Variants in AP4E1 observed in about 807,000 individuals in gnomAD.
The protein encoded by AP4E1 is adaptor related protein complex 4 subunit epsilon 1, also known as AP-4 complex subunit epsilon-1.
AP4E1 carries 56 observed loss-of-function variants against 128.2 expected under a neutral mutation model. The observed-to-expected ratio is 0.44, with a 90% CI of 0.35 to 0.55. The LOEUF (loss-of-function observed/expected upper bound fraction) is 0.55. Ranked by LOEUF, AP4E1 falls within the 20% of genes least tolerant of loss-of-function variation. The probability of loss-of-function intolerance (pLI) is 0.00; values close to 1 mark genes in which losing one functional copy is unlikely to be tolerated. For synonymous variants in AP4E1, 484 were observed against 473.1 expected, an observed-to-expected ratio of 1.02 and a Z score of -0.30; for missense variants, 1,324 against 1,307.7, an observed-to-expected ratio of 1.01 and a Z score of -0.19.
intron 17 of AP4E1, among the ~76,000 whole-genome samples, chr15:50,995,399 CT>C (rs34400855): frequency 0.012 from 1,656 of 136,668 alleles, 18 homozygotes; most frequent in African/African-American, 0.034. Context: ...ATTTCACCTT[CT>C]TTTTTTTTTT....
chr15:50,944,397 G>A (rs2064029563), intron 10 of AP4E1, among the ~76,000 whole-genome samples: 1 of 152,090 alleles, frequency 6.6e-6, no homozygotes, highest in Admixed American at 6.6e-5. Flanking sequence ...ACCCCATTCA[G>A]TTCTGGAAAT....
At position 50,930,942 on chromosome 15, in the gene AP4E1, A is replaced by G; in HGVS notation, c.840A>G (p.Ile280Met). ...GGTTACAAATTCAGCTCTTGAGAATACTGGGACTTCTAGGAAAAGATGATC... is the reference window on the plus strand; with the variant it reads ...GGTTACAAATTCAGCTCTTGAGAATGCTGGGACTTCTAGGAAAAGATGATC... ...APWLQIQLLR[I>M]LGLLGKDDQR... Residue 280 changes from isoleucine to methionine, a missense_variant, in exon 7 of 21, where the codon ATA becomes ATG. Physicochemically the swap from Ile to Met is conservative, Grantham distance 10 (BLOSUM62 1). Transcript: ENST00000261842. The G allele has an allele frequency of 6.2e-7, 1 of 1,614,154 alleles. No homozygotes were observed.
upstream of AP4E1, chr15:50,908,527 G>A (rs2063522657): frequency 2.4e-6 from 1 of 420,468 alleles, no homozygotes; most frequent in Admixed American, 4.7e-5. Context: ...CCGCTACCCC[G>A]TCGCGAGAAA....
At chr15:50,968,952 G>C (rs1053653646) in intron 15 of AP4E1, among the ~76,000 whole-genome samples, 2 of 150,490 alleles carry the variant, frequency 1.3e-5, no homozygotes, top group Non-Finnish European at 3.0e-5. Flanking sequence ...TTTTTTTTTT[G>C]ATAATATATT....
chr15:50,969,352 C>G (rs1190151760), intron 15 of AP4E1, among the ~76,000 whole-genome samples: 1 of 152,148 alleles, frequency 6.6e-6, no homozygotes, highest in Admixed American at 6.5e-5. Flanking sequence ...TTTTTTATGG[C>G]TACATGAAAG....
chr15:50,919,952 C>T (rs1436302394), intron 3 of AP4E1, among the ~76,000 whole-genome samples: 1 of 151,532 alleles, frequency 6.6e-6, no homozygotes, highest in Non-Finnish European at 1.5e-5. Flanking sequence ...TGGTACATGC[C>T]TGTATTCCCA....
At position 50,941,572 on chromosome 15, in the gene AP4E1, G is replaced by T; in HGVS notation, c.1066+8G>T. ...TAAATCTAAAATATTTAGGTAAGAT[G>T]ATTGGTTCTTTTGACAGAAATTACA... On this transcript the variant is annotated splice_region_variant and intron_variant, in intron 9 of 20. Coordinates refer to ENST00000261842, the MANE Select transcript of AP4E1 (RefSeq NM_007347.5). 6.2e-7 allele frequency: 1 copy of T among 1,612,782 alleles called. No individual in the cohort carries two copies. The highest frequency in any genetic ancestry group is 1.1e-5 in the South Asian group (1 of 90,998).
At chr15:50,944,645 C>T in intron 10 of AP4E1, 2 of 349,388 alleles carry the variant, frequency 5.7e-6, no homozygotes, top group Middle Eastern at 4.9e-4. Flanking sequence ...GGAGTCCGGC[C>T]AGAAGAGCAA....
At position 51,005,730 on chromosome 15, in the gene AP4E1, G is replaced by T. The variant is rs1267897185; in HGVS notation, c.*3068G>T. 6.6e-6 allele frequency: 1 copy of T among 152,554 alleles called. No individual in the cohort carries two copies. Among genetic ancestry groups the T allele is most frequent in the Non-Finnish European group, 1.5e-5 (1 of 68,020 alleles). The allele number at this position is 152,554 out of a possible 1,614,324, so 9.5% of individuals were successfully genotyped here. A position where few individuals can be genotyped will look rare whatever the true frequency, so the allele number is the denominator to read the frequency against. On this transcript the variant is annotated 3_prime_UTR_variant, in exon 21 of 21. Coordinates refer to ENST00000261842, the MANE Select transcript of AP4E1 (RefSeq NM_007347.5). ...CTCATGATTGTGAGCCACTGAGAGT[G>T]CACTGAACCTATTCACATGTCTTTA... is the stretch of plus-strand genomic sequence containing the variant.
intron 10 of AP4E1, among the ~76,000 whole-genome samples, chr15:50,943,748 A>G (rs2064020149): frequency 6.6e-6 from 1 of 152,126 alleles, no homozygotes; most frequent in Non-Finnish European, 1.5e-5. Context: ...GTATATATTT[A>G]TATATTTTCA....
rs574336911 is a variant in AP4E1, at chr15:50,991,073, C to G, written c.2091-2297C>G. On this transcript the variant is annotated intron_variant, in intron 16 of 20. Transcript: ENST00000261842. ...TGCTGAGTTGGACCGAGATGGATGG[C>G]AAGGACTTTATACTTCCATTCATCC... 1.4e-4 allele frequency among the ~76,000 whole-genome samples: 21 copies of G among 152,286 alleles called. No individual in the cohort carries two copies. The East Asian group carries it at 3.9e-3, about 28-fold the overall frequency.
At chr15:50,948,697 G>A (rs1416760597) in intron 11 of AP4E1, among the ~76,000 whole-genome samples, 1 of 152,184 alleles carries the variant, frequency 6.6e-6, no homozygotes, top group Non-Finnish European at 1.5e-5. Flanking sequence ...TTTAGGCCGG[G>A]CACAGTGGCT....
intron 20 of AP4E1, among the ~76,000 whole-genome samples, chr15:51,001,725 G>A (rs972644734): frequency 1.3e-5 from 2 of 152,318 alleles, no homozygotes; most frequent in East Asian, 3.9e-4. Context: ...CCATTCATCT[G>A]TAAATGGATA....
In AP4E1 at chr15:51,002,966, A is replaced by T. The variant is rs1364791365; in HGVS notation, c.*304A>T. ...GGACTGAAAATATTTATTTTGTTATAAATAATTTTATAGCACGTTTACTCT... is the reference window on the plus strand; with the variant it reads ...GGACTGAAAATATTTATTTTGTTATTAATAATTTTATAGCACGTTTACTCT... On this transcript the variant is annotated 3_prime_UTR_variant, in exon 21 of 21. Coordinates refer to ENST00000261842, the MANE Select transcript of AP4E1 (RefSeq NM_007347.5). The T allele has an allele frequency of 3.7e-6, 1 of 270,560 alleles. No homozygotes were observed. Among genetic ancestry groups the T allele is most frequent in the Non-Finnish European group, 7.1e-6 (1 of 140,034 alleles). The allele number at this position is 270,560 out of a possible 1,614,324, so 16.8% of individuals were successfully genotyped here.
intron 15 of AP4E1, among the ~76,000 whole-genome samples, chr15:50,980,111 A>C (rs1451426214): frequency 6.6e-6 from 1 of 152,230 alleles, no homozygotes; most frequent in African/African-American, 2.4e-5. Context: ...GTTCATGATC[A>C]GAAAGTTGTT....
intron 19 of AP4E1, among the ~76,000 whole-genome samples, 194 bp from the exon 20 acceptor site, chr15:51,000,832 T>C (rs2064952398): frequency 6.6e-6 from 1 of 152,196 alleles, no homozygotes; most frequent in Non-Finnish European, 1.5e-5. Flanking sequence ...TTTAATAATA[T>C]ACCTGCTTTC....
chr15:50,964,213 A>T (rs2064357223), intron 14 of AP4E1, among the ~76,000 whole-genome samples: 1 of 152,140 alleles, frequency 6.6e-6, no homozygotes, highest in African/African-American at 2.4e-5. Flanking sequence ...TGTCTGGTTT[A>T]TTTCAAAGAC....
chr15:50,960,111 A>G (rs1216110266), intron 14 of AP4E1, among the ~76,000 whole-genome samples: 1 of 152,184 alleles, frequency 6.6e-6, no homozygotes, highest in Non-Finnish European at 1.5e-5. Flanking sequence ...ACACTGAAGC[A>G]AATATATATA....
intron 8 of AP4E1, among the ~76,000 whole-genome samples, chr15:50,939,610 T>C (rs906391107): frequency 2.0e-5 from 3 of 152,230 alleles, no homozygotes; most frequent in Non-Finnish European, 2.9e-5. Flanking sequence ...AGCTCAATTA[T>C]GCCTAAGGAA....
Sources: gnomAD v4.1 joint callset for allele counts (sites outside exome capture counted in the v4.1 genomes callset) on GRCh38, gnomAD v4.1.1 for gene constraint, MANE v1.5 for transcripts, NCBI Gene and HGNC (gene_info 2026-07-23, HGNC 2026-07-21) for gene names.